Variants in CCDC170 observed in about 807,000 individuals in gnomAD.
CCDC170 encodes coiled-coil domain containing 170.
Under a neutral mutation model 72.6 loss-of-function variants are expected in CCDC170, and 69 were observed. The ratio of observed to expected loss-of-function variants is 0.95; its 90% CI spans 0.78 to 1.16. The LOEUF is 1.16. Among genes scored for constraint, CCDC170 ranks in the 50% most tolerant of loss-of-function variants. CCDC170 has a pLI of 0.00. For missense variants in CCDC170, 852 were observed against 832.5 expected (o/e 1.02, Z -0.29); for synonymous variants, 300 against 303.9 (o/e 0.99, Z 0.13).
chr6:151,559,594 A>G (rs998716344), intron 5 of CCDC170, among the ~76,000 whole-genome samples: 5 of 152,056 alleles, frequency 3.3e-5, no homozygotes, highest in African/African-American at 7.3e-5. Context: ...AAGCTTTAAG[A>G]GTTTTTTTGG....
chr6:151,611,111 A>G (rs1436777827), intron 9 of CCDC170, among the ~76,000 whole-genome samples: 1 of 152,154 alleles, frequency 6.6e-6, no homozygotes, highest in Non-Finnish European at 1.5e-5. Context: ...CCCCGTCTCT[A>G]CTAAAAATAC....
intron 1 of CCDC170, among the ~76,000 whole-genome samples, chr6:151,532,525 G>A (rs371922871): frequency 6.6e-6 from 1 of 151,658 alleles, no homozygotes; most frequent in African/African-American, 2.4e-5. Context: ...GAGAATTGCT[G>A]GAATCTGGGA....
At chr6:151,605,216 G>T (rs1289104651) in intron 9 of CCDC170, among the ~76,000 whole-genome samples, 1 of 152,232 alleles carries the variant, frequency 6.6e-6, no homozygotes, top group Non-Finnish European at 1.5e-5. Context: ...TGCTGTGAAT[G>T]ACAGGATTTC....
At chr6:151,522,160 C>CAA (rs370521229) in intron 1 of CCDC170, among the ~76,000 whole-genome samples, 1 of 142,520 alleles carries the variant, frequency 7.0e-6, no homozygotes, top group Non-Finnish European at 1.5e-5. Flanking sequence ...AATTCCATGT[C>CAA]AAAAAAAAAA....
At chr6:151,617,077 G>A (rs1310590292) in intron 10 of CCDC170, among the ~76,000 whole-genome samples, 4 of 152,210 alleles carry the variant, frequency 2.6e-5, no homozygotes, top group African/African-American at 7.2e-5. Context: ...TGTTTGGGTG[G>A]CATTCTCTTG....
intron 5 of CCDC170, among the ~76,000 whole-genome samples, chr6:151,560,026 T>C (rs1436312765): frequency 6.6e-6 from 1 of 152,166 alleles, no homozygotes; most frequent in Non-Finnish European, 1.5e-5. Flanking sequence ...CCATTAGGTG[T>C]GATGTTAGGT....
chr6:151,603,302 G>A (rs530107508), intron 9 of CCDC170, among the ~76,000 whole-genome samples: 6 of 152,078 alleles, frequency 3.9e-5, no homozygotes, highest in Non-Finnish European at 2.9e-5. Context: ...TTCCCTAAGG[G>A]TATAGGAGTT....
intron 7 of CCDC170, 109 bp from the exon 8 acceptor site, chr6:151,592,998 T>C: frequency 8.2e-7 from 1 of 1,217,230 alleles, no homozygotes; most frequent in Non-Finnish European, 1.2e-6. Context: ...CCATGCTCTC[T>C]GCAAAGGAGA....
intron 9 of CCDC170, among the ~76,000 whole-genome samples, chr6:151,609,684 A>G (rs1330954530): frequency 3.3e-5 from 5 of 152,120 alleles, no homozygotes; most frequent in African/African-American, 1.2e-4. Flanking sequence ...GGGTCTGAGG[A>G]GTTCCCTTAG....
At chr6:151,524,753 T>C (rs115104329) in intron 1 of CCDC170, among the ~76,000 whole-genome samples, 80 of 152,296 alleles carry the variant, frequency 5.3e-4, no homozygotes, top group African/African-American at 1.8e-3. Flanking sequence ...ACTTTTTTCA[T>C]TTCATTTCAA....
At chr6:151,597,217 C>T (rs1776640178) in intron 9 of CCDC170, among the ~76,000 whole-genome samples, 1 of 152,080 alleles carries the variant, frequency 6.6e-6, no homozygotes. Flanking sequence ...CAAACTCTGC[C>T]TGGGTTCAAG....
chr6:151,615,583 G>A lies in CCDC170; in HGVS notation c.1851G>A (p.Glu617=), dbSNP rs369370048. The A allele has an allele frequency of 1.1e-4, 179 of 1,614,070 alleles. No homozygotes were observed. The highest frequency in any genetic ancestry group is 9.9e-4 in the Middle Eastern group (6 of 6,058). Residue 617 remains glutamate (E), a synonymous_variant, in exon 10 of 11, where the codon GAG becomes GAA. Coordinates refer to ENST00000239374, the MANE Select transcript of CCDC170 (RefSeq NM_025059.4). ...ELDTTEHEAK[E]NKERARNMIE... is the part of the protein sequence containing the mutation. ...ATACCACAGAACATGAGGCTAAGGA[G>A]AATAAAGAAAGGGCCAGAAACATGA...
chr6:151,617,408 CTTTTTTTTTTTTTTTTTTTTT>C (rs745655791), intron 10 of CCDC170, among the ~76,000 whole-genome samples: 5 of 91,474 alleles, frequency 5.5e-5, no homozygotes, highest in South Asian at 4.1e-4. Flanking sequence ...GCTGTTTGTT[CTTTTTTTTTTTTTTTTTTTTT>C]TTTTTTTTTT....
chr6:151,550,868 T>C (rs1269750313), intron 5 of CCDC170, among the ~76,000 whole-genome samples: 3 of 152,150 alleles, frequency 2.0e-5, no homozygotes, highest in Non-Finnish European at 4.4e-5. Flanking sequence ...CAAAACTTCA[T>C]CTGAACCTAA....
intron 5 of CCDC170, among the ~76,000 whole-genome samples, chr6:151,551,441 CT>C (rs1782877337): frequency 6.6e-6 from 1 of 152,156 alleles, no homozygotes; most frequent in African/African-American, 2.4e-5. Flanking sequence ...ACGGTCTGGA[CT>C]TAGTGATTCC....
At chr6:151,577,814 C>T (rs1198506209) in intron 6 of CCDC170, among the ~76,000 whole-genome samples, 1 of 152,216 alleles carries the variant, frequency 6.6e-6, no homozygotes, top group Non-Finnish European at 1.5e-5. Flanking sequence ...AACGTGAACG[C>T]TATTGCGAAC....
At position 151,618,859 on chromosome 6, in the gene CCDC170, A is replaced by T. The variant is rs959826499; in HGVS notation, c.*712A>T. ...GACCCTGTTTCTACTAAAAATACAA[A>T]AATAAGCCAGGTGTGGTGGTGCATG... On this transcript the variant is annotated 3_prime_UTR_variant, in exon 11 of 11. Coordinates refer to ENST00000239374, the MANE Select transcript of CCDC170 (RefSeq NM_025059.4). The T allele has an allele frequency of 6.6e-6, 1 of 152,156 alleles. No homozygotes were observed. The highest frequency in any genetic ancestry group is 2.4e-5 in the African/African-American group (1 of 41,400). 9.4% of individuals were successfully genotyped at this position (152,156 alleles called of 1,614,324 possible).
chr6:151,530,539 T>G (rs1389813169), intron 1 of CCDC170, among the ~76,000 whole-genome samples: 1 of 151,772 alleles, frequency 6.6e-6, no homozygotes, highest in African/African-American at 2.4e-5. Context: ...CCTCCTGAGT[T>G]CAAGTGATTC....
intron 9 of CCDC170, among the ~76,000 whole-genome samples, chr6:151,604,071 A>G (rs895696989): frequency 3.3e-5 from 5 of 152,220 alleles, no homozygotes; most frequent in Non-Finnish European, 7.3e-5. Flanking sequence ...ACCAAAAACT[A>G]GTGGAAAGCT....
Sources: gnomAD v4.1 joint callset for allele counts (sites outside exome capture counted in the v4.1 genomes callset) on GRCh38, gnomAD v4.1.1 for gene constraint, MANE v1.5 for transcripts, NCBI Gene and HGNC (gene_info 2026-07-23, HGNC 2026-07-21) for gene names.